The following KLHL18 variants were observed in gnomAD, a reference collection of about 807,000 sequenced individuals.
The protein encoded by KLHL18 is kelch like family member 18, also known as kelch-like protein 18.
A neutral mutation model predicts 58.5 loss-of-function variants in KLHL18; 38 were observed. That is an observed-to-expected ratio of 0.65 (90% CI 0.50 to 0.85). The LOEUF is 0.85. Among genes scored for constraint, KLHL18 ranks in the 40% least tolerant of loss-of-function variants. KLHL18 has a pLI of 0.00. For missense variants in KLHL18, 624 were observed against 778.4 expected (o/e 0.80, Z 2.36); for synonymous variants, 303 against 301.9 (o/e 1.00, Z -0.04).
At chr3:47,317,391 G>C (rs1703480862) in intron 1 of KLHL18, among the ~76,000 whole-genome samples, 1 of 152,264 alleles carries the variant, frequency 6.6e-6, no homozygotes, top group Admixed American at 6.5e-5. Context: ...TGAGATTACA[G>C]GTGTGAGCCA....
intron 1 of KLHL18, among the ~76,000 whole-genome samples, chr3:47,316,689 GTA>G (rs1703451750): frequency 1.1e-4 from 2 of 17,468 alleles, no homozygotes; most frequent in Non-Finnish European, 2.3e-4. Flanking sequence ...ATATGTGTGT[GTA>G]TATATACATA....
intron 1 of KLHL18, among the ~76,000 whole-genome samples, chr3:47,302,156 T>G (rs935324452): frequency 5.3e-5 from 8 of 152,158 alleles, no homozygotes; most frequent in Admixed American, 3.3e-4. Flanking sequence ...TACTGTATTC[T>G]TACGATAAAG....
chr3:47,293,073 G>C (rs139182621), intron 1 of KLHL18, among the ~76,000 whole-genome samples: 1 of 152,226 alleles, frequency 6.6e-6, no homozygotes, highest in East Asian at 1.9e-4. Context: ...GAACTACCTA[G>C]AATAGTCAAA....
chr3:47,324,486 A>G (rs926607004), intron 3 of KLHL18, among the ~76,000 whole-genome samples: 3 of 150,808 alleles, frequency 2.0e-5, no homozygotes, highest in Non-Finnish European at 4.4e-5. Flanking sequence ...TGTCACTGTC[A>G]ACACTGGATC....
At chr3:47,317,423 C>G (rs1703481484) in intron 1 of KLHL18, among the ~76,000 whole-genome samples, 3 of 152,120 alleles carry the variant, frequency 2.0e-5, no homozygotes. Context: ...CTAAAAGACA[C>G]TTTCTACCAG....
intron 1 of KLHL18, among the ~76,000 whole-genome samples, chr3:47,309,605 G>T (rs1356598933): frequency 6.6e-6 from 1 of 152,198 alleles, no homozygotes; most frequent in Non-Finnish European, 1.5e-5. Flanking sequence ...GTTGGCGGCC[G>T]GGCAGAGGCT....
At chr3:47,329,909 C>G (rs1412306621) in intron 3 of KLHL18, 42 bp from the exon 4 acceptor site, 6 of 1,544,544 alleles carry the variant, frequency 3.9e-6, no homozygotes, top group Non-Finnish European at 5.4e-6. Context: ...AAGATAACAT[C>G]CTTTCTTCCT....
chr3:47,287,289 G>A (rs562779851), intron 1 of KLHL18: 7 of 152,262 alleles, frequency 4.6e-5, no homozygotes, highest in African/African-American at 1.7e-4. Flanking sequence ...CACTGCCTAC[G>A]TTTGAGTTCT....
chr3:47,313,917 C>T (rs1703364347), intron 1 of KLHL18, among the ~76,000 whole-genome samples: 1 of 152,184 alleles, frequency 6.6e-6, no homozygotes, highest in Non-Finnish European at 1.5e-5. Context: ...TAGCTGCCTA[C>T]TGCAGAGGGT....
At chr3:47,340,185 T>C (rs1704077691) in intron 7 of KLHL18, among the ~76,000 whole-genome samples, 2 of 152,154 alleles carry the variant, frequency 1.3e-5, no homozygotes, top group Non-Finnish European at 2.9e-5. Flanking sequence ...GAATGAATGA[T>C]TGTAACAACT....
Position 47,345,179 on chromosome 3 carries a change from G to C in KLHL18, c.*1238G>C, listed in dbSNP as rs1559508270. The C allele has an allele frequency of 6.6e-6, 1 of 152,350 alleles. No homozygotes were observed. The highest frequency in any genetic ancestry group is 1.5e-5 in the Non-Finnish European group (1 of 68,088). The allele number at this position is 152,350 out of a possible 1,614,324, so 9.4% of individuals were successfully genotyped here. On this transcript the variant is annotated 3_prime_UTR_variant, in exon 10 of 10. Coordinates refer to ENST00000232766, the MANE Select transcript of KLHL18 (RefSeq NM_025010.5). ...TGATTTCCCTCATTGTGATGCTTCT[G>C]GGGCACGTTGACCATATGCACCTCT...
chr3:47,318,162 C>T (rs184976557), intron 1 of KLHL18, among the ~76,000 whole-genome samples: 9 of 152,244 alleles, frequency 5.9e-5, no homozygotes, highest in African/African-American at 1.4e-4. Context: ...ACCCTGCGTC[C>T]GGCCCAAAAT....
rs1355790328 is a variant in KLHL18, at chr3:47,343,985, T to C, written c.*44T>C. 5 of 1,592,350 alleles carry C rather than the reference T, an allele frequency of 3.1e-6. No individual in the cohort carries two copies. In the Admixed American group the frequency reaches 7.3e-5, roughly 23 times the overall value. On this transcript the variant is annotated 3_prime_UTR_variant, in exon 10 of 10. Transcript: ENST00000232766. ...GTGGGGCAGGGATCTGGTACAGACA[T>C]AGGCGCTTCCTTCCAGGAACAGTCC... is the stretch of plus-strand genomic sequence containing the variant.
intron 3 of KLHL18, among the ~76,000 whole-genome samples, chr3:47,324,862 T>A (rs1290877768): frequency 6.6e-6 from 1 of 152,120 alleles, no homozygotes; most frequent in African/African-American, 2.4e-5. Flanking sequence ...GAAAAGTCAT[T>A]TTTAGGCCAG....
chr3:47,295,924 C>G (rs911624614), intron 1 of KLHL18, among the ~76,000 whole-genome samples: 11 of 152,098 alleles, frequency 7.2e-5, no homozygotes, highest in African/African-American at 2.2e-4. Flanking sequence ...GTGCTCTGTC[C>G]TATCACAGTG....
intron 3 of KLHL18, among the ~76,000 whole-genome samples, chr3:47,324,327 G>A (rs369305321): frequency 1.4e-4 from 1 of 7,210 alleles, no homozygotes; most frequent in African/African-American, 3.5e-4. Flanking sequence ...TTTTTTTTCT[G>A]TAAGGTAGAG....
chr3:47,312,403 A>G (rs1397574121), intron 1 of KLHL18, among the ~76,000 whole-genome samples: 1 of 152,216 alleles, frequency 6.6e-6, no homozygotes, highest in Non-Finnish European at 1.5e-5. Flanking sequence ...ATGTAGCAAA[A>G]TGTGACTAAA....
At chr3:47,315,668 C>G (rs750942445) in intron 1 of KLHL18, among the ~76,000 whole-genome samples, 8 of 152,142 alleles carry the variant, frequency 5.3e-5, no homozygotes, top group Non-Finnish European at 1.0e-4. Flanking sequence ...GTGAAGCCCA[C>G]AAATCAACAA....
At chr3:47,309,510 C>T (rs956926957) in intron 1 of KLHL18, among the ~76,000 whole-genome samples, 2 of 151,216 alleles carry the variant, frequency 1.3e-5, no homozygotes, top group Non-Finnish European at 2.9e-5. Context: ...CTCCTCACTT[C>T]CCAGACTGGG....
Sources: gnomAD v4.1 joint callset for allele counts (sites outside exome capture counted in the v4.1 genomes callset) on GRCh38, gnomAD v4.1.1 for gene constraint, MANE v1.5 for transcripts, NCBI Gene and HGNC (gene_info 2026-07-23, HGNC 2026-07-21) for gene names.